Variants in ROR2 observed in about 807,000 individuals in gnomAD.
The protein encoded by ROR2 is ROR family WNT receptor 2.
ROR2 carries 33 observed loss-of-function variants against 74.9 expected under a neutral mutation model. That is an observed-to-expected ratio of 0.44 (90% CI 0.33 to 0.59). The LOEUF (loss-of-function observed/expected upper bound fraction) is 0.59, where lower values mean the gene tolerates loss of function less well. Among genes scored for constraint, ROR2 ranks in the 20% least tolerant of loss-of-function variants. The pLI, the probability that ROR2 is intolerant of heterozygous loss-of-function variation, is 0.02. For synonymous variants in ROR2, 586 were observed against 558.7 expected (o/e 1.05, Z -0.69); for missense variants, 1,216 against 1,313.8 (o/e 0.93, Z 1.15).
intron 4 of ROR2, among the ~76,000 whole-genome samples, chr9:91,749,550 T>C (rs1227349324): frequency 1.3e-5 from 2 of 152,202 alleles, no homozygotes; most frequent in African/African-American, 4.8e-5. Context: ...TTTCAGTCCA[T>C]AGCAGTAGAG....
chr9:91,790,163 T>G (rs761870241), intron 1 of ROR2, among the ~76,000 whole-genome samples: 1 of 152,188 alleles, frequency 6.6e-6, no homozygotes, highest in African/African-American at 2.4e-5. Context: ...CACAGGCTTA[T>G]AGTGATGCTG....
intron 4 of ROR2, among the ~76,000 whole-genome samples, chr9:91,747,930 G>GT (rs1279098775): frequency 3.3e-5 from 5 of 152,222 alleles, no homozygotes; most frequent in Admixed American, 3.3e-4. Context: ...TGGGACTGTG[G>GT]AACTGGGGAG....
At position 91,737,480 on chromosome 9, in the gene ROR2, C is replaced by T. The variant is rs746562213; in HGVS notation, c.533G>A (p.Arg178Gln). 1.4e-5 allele frequency: 22 copies of T among 1,614,026 alleles called. No individual in the cohort carries two copies. The highest frequency in any genetic ancestry group is 1.3e-4 in the Admixed American group (8 of 59,998). Residue 178 changes from arginine to glutamine, a missense_variant, in exon 5 of 9, where the codon CGG becomes CAG. Arg to Gln is a conservative substitution (Grantham distance 43). Transcript: ENST00000375708. ...AATGAAGCGTGCACAGGCAATTCCC[C>T]GGTAAGGCTGGCAGAACCCATCCTC... is the stretch of plus-strand genomic sequence containing the variant. ...YHEDGFCQPY[R>Q]GIACARFIGN...
intron 2 of ROR2, among the ~76,000 whole-genome samples, chr9:91,766,756 CCA>C (rs1451106178): frequency 6.6e-6 from 1 of 152,208 alleles, no homozygotes; most frequent in Non-Finnish European, 1.5e-5. Context: ...AAACAATTTG[CCA>C]GGCCAAAAGG....
chr9:91,806,756 A>AT (rs1368527046), intron 1 of ROR2, among the ~76,000 whole-genome samples: 2 of 151,918 alleles, frequency 1.3e-5, no homozygotes, highest in Non-Finnish European at 1.5e-5. Flanking sequence ...CACCCGGCTA[A>AT]TTTTTTGTAT....
At position 91,933,909 on chromosome 9, in the gene ROR2, A is replaced by T. The variant is rs143563859; in HGVS notation, c.97+15958T>A. On this transcript the variant is annotated intron_variant, in intron 1 of 8. Coordinates refer to ENST00000375708, the MANE Select transcript of ROR2 (RefSeq NM_004560.4). ...CTTCCTTTGGGGGTGATGAAAATGA[A>T]CTGGATGGTAGTAATGGTCAAGTAA... Among the ~76,000 whole-genome samples the T allele has an allele frequency of 8.5e-4, 129 of 152,330 alleles. 1 individual carries two copies. In the East Asian group the frequency reaches 0.023, roughly 27 times the overall value.
At chr9:91,880,194 A>G (rs936989190) in intron 1 of ROR2, among the ~76,000 whole-genome samples, 3 of 152,156 alleles carry the variant, frequency 2.0e-5, no homozygotes, top group African/African-American at 7.2e-5. Context: ...ACACAGTAGG[A>G]TGACCATGTG....
At chr9:91,864,621 C>T (rs529005502) in intron 1 of ROR2, among the ~76,000 whole-genome samples, 8 of 152,302 alleles carry the variant, frequency 5.3e-5, no homozygotes, top group South Asian at 2.1e-4. Context: ...CCTGCCAGAG[C>T]GATCACTCAC....
intron 1 of ROR2, among the ~76,000 whole-genome samples, chr9:91,839,184 G>T (rs898268906): frequency 6.6e-6 from 1 of 152,068 alleles, no homozygotes; most frequent in Admixed American, 6.5e-5. Context: ...GAGGCTGGGT[G>T]TATTTCGTGT....
chr9:91,895,159 C>T (rs898813265), intron 1 of ROR2, among the ~76,000 whole-genome samples: 1 of 152,116 alleles, frequency 6.6e-6, no homozygotes, highest in African/African-American at 2.4e-5. Context: ...ATGAAAGAAT[C>T]CAATCTGAAA....
intron 1 of ROR2, among the ~76,000 whole-genome samples, chr9:91,806,791 G>A (rs140997188): frequency 0.024 from 3,633 of 152,128 alleles, 59 homozygotes; most frequent in African/African-American, 0.034. Context: ...GGGTTTCACC[G>A]TGTTAGCCAG....
intron 1 of ROR2, among the ~76,000 whole-genome samples, chr9:91,791,099 T>TA (rs1391495922): frequency 6.6e-6 from 1 of 152,220 alleles, no homozygotes; most frequent in Admixed American, 6.5e-5. Context: ...AGTAATGCCC[T>TA]AAGCCTTCAC....
At position 91,722,905 on chromosome 9, in the gene ROR2, C is replaced by T; in HGVS notation, c.*757G>A. The stretch of plus-strand genomic sequence containing the variant: ...ATGATTCTTAACAAAAATAACAATA[C>T]CGTGTTCTGTACAATACTGCTTCCT... On this transcript the variant is annotated 3_prime_UTR_variant, in exon 9 of 9. Coordinates refer to ENST00000375708, the MANE Select transcript of ROR2 (RefSeq NM_004560.4). 2.5e-6 allele frequency: 1 copy of T among 404,258 alleles called. No homozygotes were observed. Among genetic ancestry groups the T allele is most frequent in the South Asian group, 3.1e-5 (1 of 31,978 alleles). The allele number at this position is 404,258 out of a possible 1,614,324, so 25.0% of individuals were successfully genotyped here.
At chr9:91,759,470 G>A (rs367633942) in intron 2 of ROR2, among the ~76,000 whole-genome samples, 16 of 152,246 alleles carry the variant, frequency 1.1e-4, no homozygotes, top group East Asian at 9.7e-4. Context: ...TCTTTAAAAA[G>A]ATAGGCTGAA....
At chr9:91,871,839 A>AC (rs573963824) in intron 1 of ROR2, among the ~76,000 whole-genome samples, 265 of 151,078 alleles carry the variant, frequency 1.8e-3, no homozygotes, top group African/African-American at 5.7e-3. Flanking sequence ...GGGTCGAGAG[A>AC]CCCCCCCAGC....
At chr9:91,888,399 G>A (rs1378850688) in intron 1 of ROR2, among the ~76,000 whole-genome samples, 1 of 152,172 alleles carries the variant, frequency 6.6e-6, no homozygotes. Context: ...CGCAGATGCA[G>A]GAACACACCT....
At chr9:91,767,932 A>G (rs1826110177) in intron 2 of ROR2, among the ~76,000 whole-genome samples, 1 of 152,236 alleles carries the variant, frequency 6.6e-6, no homozygotes, top group Non-Finnish European at 1.5e-5. Flanking sequence ...ATTTGGAAAC[A>G]GGGTCACTGC....
At chr9:91,879,343 A>G (rs1830040959) in intron 1 of ROR2, among the ~76,000 whole-genome samples, 1 of 152,148 alleles carries the variant, frequency 6.6e-6, no homozygotes, top group African/African-American at 2.4e-5. Flanking sequence ...GCAGTAAGAG[A>G]GAATGCTGAT....
At chr9:91,934,349 T>C (rs1181376479) in intron 1 of ROR2, among the ~76,000 whole-genome samples, 1 of 152,178 alleles carries the variant, frequency 6.6e-6, no homozygotes, top group South Asian at 2.1e-4. Flanking sequence ...CTTAGAGATA[T>C]CTGCCTCCAT....
Sources: gnomAD v4.1 joint callset for allele counts (sites outside exome capture counted in the v4.1 genomes callset) on GRCh38, gnomAD v4.1.1 for gene constraint, MANE v1.5 for transcripts, NCBI Gene and HGNC (gene_info 2026-07-23, HGNC 2026-07-21) for gene names.